DYSF: variants seen among roughly 807,000 people sequenced by gnomAD.
The protein encoded by DYSF is dystrophy-associated fer-1-like 1.
A neutral mutation model predicts 274.9 loss-of-function variants in DYSF; 212 were observed. The observed-to-expected ratio is 0.77, with a 90% CI of 0.69 to 0.86. The LOEUF (loss-of-function observed/expected upper bound fraction) is 0.86, where lower values mean the gene tolerates loss of function less well. DYSF is among the 40% of genes least tolerant of loss of function. The probability of loss-of-function intolerance (pLI) is 0.00; values close to 1 mark genes in which losing one functional copy is unlikely to be tolerated. For missense variants in DYSF, 2,666 were observed against 2,783.2 expected (o/e 0.96, Z 0.95); for synonymous variants, 1,091 against 1,078.7 (o/e 1.01, Z -0.22).
In DYSF at chr2:71,686,455, AC is replaced by A; in HGVS notation, c.6324del (p.Tyr2109MetfsTer4). On this transcript the variant is annotated frameshift_variant and splice_region_variant, in exon 56 of 56. Transcript: ENST00000410020. LOFTEE classifies it high-confidence loss of function. ...FLAIFIYAFPNYAAMKLVKPF... is the reference protein window; with the variant it reads ...FLAIFIYAFPXYAAMKLVKPF... ...TCCCTGTCTCCTCCCTCCCTCCAGA[AC>A]TATGCTGCCATGAAGCTGGTGAAGC... is the stretch of plus-strand genomic sequence containing the variant. 6.2e-7 allele frequency: 1 copy of A among 1,614,102 alleles called. No homozygotes were observed. The highest frequency in any genetic ancestry group is 8.5e-7 in the Non-Finnish European group (1 of 1,180,002).
intron 18 of DYSF, 110 bp from the exon 19 acceptor site, chr2:71,551,497 G>A (rs1266678731): frequency 3.3e-6 from 3 of 910,536 alleles, no homozygotes; most frequent in Non-Finnish European, 5.2e-6. Context: ...TTGGCTGAGG[G>A]ACCTCCTGGG....
intron 1 of DYSF, chr2:71,454,138 G>A (rs956840648): frequency 6.4e-7 from 1 of 1,556,720 alleles, no homozygotes; most frequent in African/African-American, 1.4e-5. Flanking sequence ...TAGAGGAGGG[G>A]ACGCCGCGGC....
intron 1 of DYSF, among the ~76,000 whole-genome samples, chr2:71,455,786 C>A (rs114562433): frequency 4.6e-5 from 7 of 152,092 alleles, no homozygotes; most frequent in African/African-American, 1.7e-4. Context: ...TGCAGCAGCC[C>A]CTGCTGTCAG....
chr2:71,635,762 AAAAG>A (rs1180349306), intron 41 of DYSF, among the ~76,000 whole-genome samples: 30 of 109,006 alleles, frequency 2.8e-4, no homozygotes, highest in Admixed American at 1.8e-3. Context: ...AAAAAAAAAA[AAAAG>A]AAAGAAAAAA....
At chr2:71,583,069 AGAG>A (rs1375824481) in intron 30 of DYSF, among the ~76,000 whole-genome samples, 4 of 148,028 alleles carry the variant, frequency 2.7e-5, no homozygotes, top group Admixed American at 6.7e-5. Context: ...AAAAAAAAAA[AGAG>A]AAATTAGAAT....
rs563645032 is a variant in DYSF, at chr2:71,550,933, T to TG, written c.1577-101dup. 1,261 of 876,058 alleles carry TG rather than the reference T, an allele frequency of 1.4e-3. 25 individuals are homozygous for TG. In the South Asian group the frequency reaches 0.016, roughly 11 times the overall value. 54.3% of individuals were successfully genotyped at this position (876,058 alleles called of 1,614,324 possible). ...TGACAGGAGCTGCATCTGGTGCATG[T>TG]GGGGGGGAACTGAGGGCCAGGGGTG... On this transcript the variant is annotated intron_variant, in intron 17 of 55. Transcript: ENST00000410020.
chr2:71,472,129 G>A (rs1429185596), intron 1 of DYSF, among the ~76,000 whole-genome samples: 1 of 152,096 alleles, frequency 6.6e-6, no homozygotes, highest in Non-Finnish European at 1.5e-5. Context: ...GGTTATATAA[G>A]TGTTTATATT....
chr2:71,470,878 G>T (rs1432621180), intron 1 of DYSF, among the ~76,000 whole-genome samples: 3 of 148,440 alleles, frequency 2.0e-5, no homozygotes, highest in Admixed American at 1.4e-4. Context: ...TGCAACCGCC[G>T]CCTCCCAGGT....
chr2:71,625,764 G>A (rs115095951), intron 41 of DYSF, among the ~76,000 whole-genome samples: 1,813 of 152,066 alleles, frequency 0.012, 31 homozygotes, highest in African/African-American at 0.041. Flanking sequence ...TTATTATATT[G>A]CCTTTTAACC....
chr2:71,525,579 G>C (rs886950262), intron 12 of DYSF, among the ~76,000 whole-genome samples: 1 of 152,182 alleles, frequency 6.6e-6, no homozygotes, highest in Non-Finnish European at 1.5e-5. Context: ...AGGGAGGGGT[G>C]CTATGAGGAT....
intron 47 of DYSF, among the ~76,000 whole-genome samples, chr2:71,666,039 C>T (rs886112355): frequency 6.6e-6 from 1 of 151,900 alleles, no homozygotes; most frequent in Non-Finnish European, 1.5e-5. Context: ...CCCCCATCCC[C>T]CACCCCCTCC....
chr2:71,464,169 C>T (rs2152636845), upstream of DYSF, among the ~76,000 whole-genome samples: 1 of 152,304 alleles, frequency 6.6e-6, no homozygotes, highest in Middle Eastern at 3.4e-3. Flanking sequence ...TCCCTGAGGG[C>T]AGGGATGTGA....
At chr2:71,526,033 A>G (rs1220976615) in intron 12 of DYSF, among the ~76,000 whole-genome samples, 187 bp from the exon 13 acceptor site, 1 of 152,204 alleles carries the variant, frequency 6.6e-6, no homozygotes, top group African/African-American at 2.4e-5. Flanking sequence ...TCTCTGCTGT[A>G]CTCAAGAGGA....
At chr2:71,662,836 ATATGTGTGTG>A (rs1413904205) in intron 45 of DYSF, among the ~76,000 whole-genome samples, 3 of 112,042 alleles carry the variant, frequency 2.7e-5, no homozygotes, top group African/African-American at 9.3e-5. Flanking sequence ...GCATTTGTGT[ATATGTGTGTG>A]TATGTGTGTG....
At chr2:71,560,613 T>TA (rs1450750975) in intron 22 of DYSF, among the ~76,000 whole-genome samples, 5 of 151,694 alleles carry the variant, frequency 3.3e-5, no homozygotes, top group Non-Finnish European at 7.4e-5. Flanking sequence ...AAAATTCAAT[T>TA]AAAAAAAATA....
chr2:71,580,687 G>A (rs928558328), intron 30 of DYSF, among the ~76,000 whole-genome samples: 2 of 152,196 alleles, frequency 1.3e-5, no homozygotes, highest in African/African-American at 4.8e-5. Flanking sequence ...TTGAGCACCT[G>A]TTCTATACCT....
chr2:71,478,188 A>G (rs2082549965), intron 1 of DYSF, among the ~76,000 whole-genome samples: 1 of 151,996 alleles, frequency 6.6e-6, no homozygotes, highest in Non-Finnish European at 1.5e-5. Context: ...CCACCTAAAT[A>G]AAAGCTCTTT....
chr2:71,568,354 G>A lies in DYSF; in HGVS notation c.2864+16G>A. The stretch of plus-strand genomic sequence containing the variant: ...CGGAGAAGACGTGAGTCGTGGGCAG[G>A]GAGGGCTGGGGAGAGCCAGGCCAGG... On this transcript the variant is annotated intron_variant, in intron 26 of 55. Transcript: ENST00000410020. The A allele has an allele frequency of 6.2e-7, 1 of 1,613,054 alleles. No homozygotes were observed. The highest frequency in any genetic ancestry group is 1.1e-5 in the South Asian group (1 of 91,030).
intron 32 of DYSF, among the ~76,000 whole-genome samples, chr2:71,595,734 G>A (rs1490299973): frequency 1.3e-5 from 2 of 152,220 alleles, no homozygotes; most frequent in Non-Finnish European, 2.9e-5. Context: ...CCCTGGGGCA[G>A]CCGTGGTCCT....
Sources: gnomAD v4.1 joint callset for allele counts (sites outside exome capture counted in the v4.1 genomes callset) on GRCh38, gnomAD v4.1.1 for gene constraint, MANE v1.5 for transcripts, NCBI Gene and HGNC (gene_info 2026-07-23, HGNC 2026-07-21) for gene names.